The following KIAA1549 variants were observed in gnomAD, a reference collection of about 807,000 sequenced individuals.
KIAA1549 encodes the protein KIAA1549.
KIAA1549 carries 70 observed loss-of-function variants against 156.4 expected under a neutral mutation model. The observed-to-expected ratio is 0.45, with a 90% CI of 0.37 to 0.55. KIAA1549 has a LOEUF of 0.55. KIAA1549 is among the 20% of genes least tolerant of loss of function. KIAA1549 has a pLI of 0.00. For missense variants in KIAA1549, 2,428 were observed against 2,540.9 expected (o/e 0.96, Z 0.96); for synonymous variants, 1,103 against 1,066.4 (o/e 1.03, Z -0.67).
At chr7:138,895,515 C>T (rs1033863361) in intron 9 of KIAA1549, among the ~76,000 whole-genome samples, 4 of 151,960 alleles carry the variant, frequency 2.6e-5, no homozygotes, top group African/African-American at 7.3e-5. Context: ...GATAATGGAA[C>T]AAGCCAGTCA....
At chr7:138,951,511 G>A (rs1467464785) in intron 1 of KIAA1549, among the ~76,000 whole-genome samples, 2 of 152,166 alleles carry the variant, frequency 1.3e-5, no homozygotes, top group South Asian at 2.1e-4. Context: ...ACACAGGCTG[G>A]CCCTGGCACT....
intron 10 of KIAA1549, among the ~76,000 whole-genome samples, chr7:138,894,047 G>C (rs561988491): frequency 6.9e-4 from 105 of 152,348 alleles, no homozygotes; most frequent in African/African-American, 2.3e-3. Context: ...TCCAGCCTGG[G>C]TGACAGAGCC....
chr7:138,847,925 G>T (rs1054420970), intron 17 of KIAA1549, among the ~76,000 whole-genome samples: 1 of 72,288 alleles, frequency 1.4e-5, no homozygotes, highest in Non-Finnish European at 2.9e-5. Flanking sequence ...ATTCTGAGGT[G>T]TTTTATATTC....
At chr7:138,967,942 C>T (rs1814081120) in intron 1 of KIAA1549, among the ~76,000 whole-genome samples, 1 of 152,216 alleles carries the variant, frequency 6.6e-6, no homozygotes, top group Non-Finnish European at 1.5e-5. Context: ...AAAGCGAGCA[C>T]CTGTCACGTG....
At chr7:138,879,698 T>A (rs1218327097) in intron 11 of KIAA1549, 45 bp from the exon 12 acceptor site, 4 of 1,257,460 alleles carry the variant, frequency 3.2e-6, no homozygotes, top group Admixed American at 4.7e-5. Flanking sequence ...CAAGAAAGAA[T>A]GAAAAGGAAA....
intron 1 of KIAA1549, among the ~76,000 whole-genome samples, chr7:138,979,120 T>C (rs1475427352): frequency 6.6e-6 from 1 of 152,242 alleles, no homozygotes; most frequent in Non-Finnish European, 1.5e-5. Context: ...TCTATGAGCC[T>C]GGCAGCGGCT....
Position 138,834,972 on chromosome 7 carries a change from GAAA to G in KIAA1549, c.*2931_*2933del, listed in dbSNP as rs767904035. The G allele has an allele frequency of 1.1e-5, 2 of 181,200 alleles. No individual in the cohort carries two copies. The highest frequency in any genetic ancestry group is 6.9e-5 in the Admixed American group (1 of 14,514). The allele number at this position is 181,200 out of a possible 1,614,324, so 11.2% of individuals were successfully genotyped here. ...GTCAGTGAGTGACAAAGTAGTCTCT[GAAA>G]AAAAAAAAAACAACATTTCTCCAAA... On this transcript the variant is annotated 3_prime_UTR_variant, in exon 20 of 20. Transcript: ENST00000422774.
Position 138,835,257 on chromosome 7 carries a change from G to A in KIAA1549, c.*2649C>T, listed in dbSNP as rs189796953. 8.3e-4 allele frequency: 177 copies of A among 214,332 alleles called. No individual in the cohort carries two copies. The highest frequency in any genetic ancestry group is 1.3e-3 in the Non-Finnish European group (141 of 106,118). 13.3% of individuals were successfully genotyped at this position (214,332 alleles called of 1,614,324 possible). A position where few individuals can be genotyped will look rare whatever the true frequency, so the allele number is the denominator to read the frequency against. ...TGGCAAAACTGTTGTGGCAGGCGTCGAGAGGAAGCAAGTACAAACTGTGTG... is the reference window on the plus strand; with the variant it reads ...TGGCAAAACTGTTGTGGCAGGCGTCAAGAGGAAGCAAGTACAAACTGTGTG... On this transcript the variant is annotated 3_prime_UTR_variant, in exon 20 of 20. Transcript: ENST00000422774.
At chr7:138,971,576 A>C (rs1814221909) in intron 1 of KIAA1549, among the ~76,000 whole-genome samples, 1 of 151,898 alleles carries the variant, frequency 6.6e-6, no homozygotes, top group South Asian at 2.1e-4. Flanking sequence ...CCTTGCACAC[A>C]CACAGCACCC....
chr7:138,887,623 C>G (rs562025441), intron 10 of KIAA1549, among the ~76,000 whole-genome samples: 2 of 152,328 alleles, frequency 1.3e-5, no homozygotes, highest in East Asian at 1.9e-4. Flanking sequence ...AGAAGAGAGG[C>G]CCGCCTGTCA....
intron 1 of KIAA1549, among the ~76,000 whole-genome samples, chr7:138,925,264 A>G (rs1241203471): frequency 6.6e-6 from 1 of 151,482 alleles, no homozygotes; most frequent in Non-Finnish European, 1.5e-5. Flanking sequence ...TTTTTTTTTT[A>G]AGTCATGTTT....
chr7:138,924,699 A>T (rs904803051), intron 1 of KIAA1549, among the ~76,000 whole-genome samples: 8 of 152,166 alleles, frequency 5.3e-5, no homozygotes, highest in Non-Finnish European at 1.0e-4. Flanking sequence ...CAGGAGGGAC[A>T]AAGCGGCTGC....
In KIAA1549 at chr7:138,919,666, C is replaced by T. The variant is rs937468857; in HGVS notation, c.188-228G>A. Among the ~76,000 whole-genome samples the T allele has an allele frequency of 2.0e-5, 3 of 152,050 alleles. No individual in the cohort carries two copies. The South Asian group carries it at 6.2e-4, about 32-fold the overall frequency. On this transcript the variant is annotated intron_variant, in intron 1 of 19. Coordinates refer to ENST00000422774, the MANE Select transcript of KIAA1549 (RefSeq NM_001164665.2). ...AACTTGGGCACTGTTTTTACCTAAGCTGTGTATGTGTGGGGGTGGGGAGGG... is the reference window on the plus strand; with the variant it reads ...AACTTGGGCACTGTTTTTACCTAAGTTGTGTATGTGTGGGGGTGGGGAGGG...
At chr7:138,840,476 G>A (rs1283117129) in intron 18 of KIAA1549, among the ~76,000 whole-genome samples, 198 bp from the exon 19 acceptor site, 2 of 151,914 alleles carry the variant, frequency 1.3e-5, no homozygotes, top group Non-Finnish European at 2.9e-5. Flanking sequence ...GGTCCCATAG[G>A]TAAGGAAATG....
chr7:138,957,874 C>T (rs1813715134), intron 1 of KIAA1549, among the ~76,000 whole-genome samples: 1 of 152,160 alleles, frequency 6.6e-6, no homozygotes, highest in African/African-American at 2.4e-5. Context: ...TCTTTGTCCA[C>T]TTCTTCTACT....
intron 16 of KIAA1549, among the ~76,000 whole-genome samples, chr7:138,853,793 A>G (rs1230097243): frequency 6.6e-6 from 1 of 152,160 alleles, no homozygotes; most frequent in Non-Finnish European, 1.5e-5. Flanking sequence ...ATTAAAGGGA[A>G]ATCTGAGACT....
intron 5 of KIAA1549, 87 bp downstream of exon 5, chr7:138,908,904 T>C: frequency 9.2e-6 from 14 of 1,519,060 alleles, no homozygotes; most frequent in South Asian, 2.4e-5. Flanking sequence ...CTGGAGGGAA[T>C]AAGAGTTAAG....
intron 15 of KIAA1549, among the ~76,000 whole-genome samples, chr7:138,866,310 C>T (rs185537374): frequency 6.6e-6 from 1 of 152,334 alleles, no homozygotes. Context: ...ATTTAGGCCC[C>T]ATCCCAGTAT....
At chr7:138,870,684 A>G (rs1204750740) in intron 13 of KIAA1549, among the ~76,000 whole-genome samples, 1 of 152,212 alleles carries the variant, frequency 6.6e-6, no homozygotes, top group East Asian at 1.9e-4. Flanking sequence ...GTCCATGCAC[A>G]GTATCTGATC....
Sources: gnomAD v4.1 joint callset for allele counts (sites outside exome capture counted in the v4.1 genomes callset) on GRCh38, gnomAD v4.1.1 for gene constraint, MANE v1.5 for transcripts, NCBI Gene and HGNC (gene_info 2026-07-23, HGNC 2026-07-21) for gene names.